Variants in IDH3A observed in about 807,000 individuals in gnomAD.
The protein encoded by IDH3A is isocitrate dehydrogenase [NAD] subunit alpha, mitochondrial.
In IDH3A, 23 loss-of-function variants were observed where a neutral mutation model predicts 43.3. That is an observed-to-expected ratio of 0.53 (90% CI 0.38 to 0.75). The LOEUF (loss-of-function observed/expected upper bound fraction) is 0.75, where lower values mean the gene tolerates loss of function less well. Ranked by LOEUF, IDH3A falls within the 30% of genes least tolerant of loss-of-function variation. The pLI is 0.00. For synonymous variants in IDH3A, 154 were observed against 163.5 expected (o/e 0.94, Z 0.44); for missense variants, 329 against 474.4 (o/e 0.69, Z 2.85).
rs753942750 is a variant in IDH3A, at chr15:78,168,924, C to G, written c.1020C>G (p.Ser340Arg). ...ACFATIKDGK[S>R]LTKDLGGNAK... is the part of the protein sequence containing the mutation. ...TTTTTGCTTTTTCCTTTTCTCAGAGCTTGACAAAAGATTTGGGAGGCAATG... is the reference window on the plus strand; with the variant it reads ...TTTTTGCTTTTTCCTTTTCTCAGAGGTTGACAAAAGATTTGGGAGGCAATG... Residue 340 changes from serine to arginine, a missense_variant and splice_region_variant, in exon 11 of 11, where the codon AGC becomes AGG. Coordinates refer to ENST00000299518, the MANE Select transcript of IDH3A (RefSeq NM_005530.3). 1 of 1,588,002 alleles carries G rather than the reference C, an allele frequency of 6.3e-7. No individual in the cohort carries two copies. Among genetic ancestry groups the G allele is most frequent in the South Asian group, 1.1e-5 (1 of 89,122 alleles).
At chr15:78,154,452 A>C (rs761711755) in intron 1 of IDH3A, 15 of 152,232 alleles carry the variant, frequency 9.9e-5, no homozygotes, top group Non-Finnish European at 1.6e-4. Flanking sequence ...ATAATGTATA[A>C]TTGAAGGAGC....
chr15:78,151,122 T>A (rs1392724461), intron 1 of IDH3A, among the ~76,000 whole-genome samples: 4 of 152,234 alleles, frequency 2.6e-5, no homozygotes, highest in African/African-American at 9.6e-5. Context: ...TTCTCTGACA[T>A]GCACTCCCTG....
intron 1 of IDH3A, among the ~76,000 whole-genome samples, chr15:78,154,079 T>G (rs902349689): frequency 7.2e-5 from 11 of 152,166 alleles, no homozygotes; most frequent in Admixed American, 5.2e-4. Flanking sequence ...TTTATATTGT[T>G]TATAATAATG....
At chr15:78,166,008 C>A in intron 9 of IDH3A, 142 bp from the exon 10 acceptor site, 1 of 754,168 alleles carries the variant, frequency 1.3e-6, no homozygotes, top group Non-Finnish European at 2.2e-6. Flanking sequence ...TTTCTTCAGT[C>A]CATATCAGAT....
In IDH3A at chr15:78,166,437, C is replaced by T. The variant is rs1452267418; in HGVS notation, c.1017+135C>T. 3.3e-5 allele frequency: 29 copies of T among 874,346 alleles called. No homozygotes were observed. In the South Asian group the frequency reaches 3.9e-4, roughly 12 times the overall value. 54.2% of individuals were successfully genotyped at this position (874,346 alleles called of 1,614,324 possible). ...TTTGATGTTGAACAAGGATTCTTAACGTGGGTCCCAGATTGAACAGGGTAT... is the reference window on the plus strand; with the variant it reads ...TTTGATGTTGAACAAGGATTCTTAATGTGGGTCCCAGATTGAACAGGGTAT... On this transcript the variant is annotated intron_variant, in intron 10 of 10. Transcript: ENST00000299518.
intron 2 of IDH3A, 34 bp from the exon 3 acceptor site, chr15:78,157,514 C>G (rs745914993): frequency 6.7e-7 from 1 of 1,483,638 alleles, no homozygotes. Flanking sequence ...AACAAAAATT[C>G]TTACTGTCTT....
chr15:78,158,855 AT>A (rs2074652722), intron 3 of IDH3A, among the ~76,000 whole-genome samples: 1 of 151,836 alleles, frequency 6.6e-6, no homozygotes. Context: ...GTTTTGAGAC[AT>A]TGTTTCGCTC....
rs1032806940 is a variant in IDH3A, at chr15:78,157,462, A to G, written c.91-86A>G. On this transcript the variant is annotated intron_variant, in intron 2 of 10. Transcript: ENST00000299518. ...TGAATCTTCCTGAGACATCTCATAA[A>G]GTGGATTTCTCTGTCAAAATATTCT... 4 of 911,364 alleles carry G rather than the reference A, an allele frequency of 4.4e-6. No individual in the cohort carries two copies. In the African/African-American group the frequency reaches 6.7e-5, roughly 15 times the overall value. The allele number at this position is 911,364 out of a possible 1,614,324, so 56.5% of individuals were successfully genotyped here. A position where few individuals can be genotyped will look rare whatever the true frequency, so the allele number is the denominator to read the frequency against.
At chr15:78,167,383 C>T (rs914350379) in intron 10 of IDH3A, 13 of 152,162 alleles carry the variant, frequency 8.5e-5, no homozygotes, top group African/African-American at 2.4e-4. Flanking sequence ...CAAGCTCCAC[C>T]GCCTCGGTAA....
chr15:78,156,040 A>AT (rs377014785), intron 2 of IDH3A, among the ~76,000 whole-genome samples: 3 of 152,084 alleles, frequency 2.0e-5, no homozygotes, highest in African/African-American at 7.2e-5. Flanking sequence ...AGAAAAGCAG[A>AT]TTTTCTGGTG....
intron 2 of IDH3A, among the ~76,000 whole-genome samples, chr15:78,156,153 T>C (rs2074621286): frequency 6.6e-6 from 1 of 152,190 alleles, no homozygotes; most frequent in Non-Finnish European, 1.5e-5. Context: ...GGCTTGCACT[T>C]CAAGCTCAAG....
chr15:78,154,188 G>GA (rs35197181), intron 1 of IDH3A, among the ~76,000 whole-genome samples: 1,761 of 131,976 alleles, frequency 0.013, 14 homozygotes, highest in Middle Eastern at 0.024. Context: ...ATTGGAGAGA[G>GA]AAAAAAAAAA....
chr15:78,162,096 T>C (rs1158818961), intron 5 of IDH3A, 138 bp from the exon 6 acceptor site: 3 of 821,002 alleles, frequency 3.7e-6, no homozygotes, highest in Non-Finnish European at 6.0e-6. Flanking sequence ...CCCATTGTCG[T>C]AGCAGTGTGT....
At chr15:78,164,331 ATGT>A (rs1429225106) in intron 8 of IDH3A, among the ~76,000 whole-genome samples, 1 of 140,264 alleles carries the variant, frequency 7.1e-6, no homozygotes, top group Non-Finnish European at 1.5e-5. Context: ...CAGACATAAG[ATGT>A]TGGCCAAATG....
At chr15:78,168,136 T>C (rs2074770715) in intron 10 of IDH3A, 1 of 152,034 alleles carries the variant, frequency 6.6e-6, no homozygotes, top group Non-Finnish European at 1.5e-5. Flanking sequence ...GTTTAAGAGT[T>C]AATGATTTAG....
chr15:78,151,759 C>T (rs1388211922), intron 1 of IDH3A, among the ~76,000 whole-genome samples: 4 of 151,736 alleles, frequency 2.6e-5, no homozygotes, highest in Non-Finnish European at 5.9e-5. Flanking sequence ...CCAATAATGC[C>T]TATCTCTACA....
chr15:78,160,225 C>A lies in IDH3A; in HGVS notation c.289+19C>A. 7.0e-7 allele frequency: 1 copy of A among 1,432,860 alleles called. No individual in the cohort carries two copies. The highest frequency in any genetic ancestry group is 9.9e-7 in the Non-Finnish European group (1 of 1,015,052). 88.8% of individuals were successfully genotyped at this position (1,432,860 alleles called of 1,614,324 possible). ...TTGAAAGGTAGCACTGAAGTAGAGA[C>A]GGGGGTTTTTACAGATTTCCGCTAC... On this transcript the variant is annotated intron_variant, in intron 4 of 10. Transcript: ENST00000299518.
intron 10 of IDH3A, among the ~76,000 whole-genome samples, chr15:78,166,881 C>T (rs1474100402): frequency 1.3e-5 from 2 of 150,928 alleles, no homozygotes; most frequent in African/African-American, 4.9e-5. Context: ...ATCCTCCCGC[C>T]CCAGCCTCCC....
chr15:78,165,762 C>T (rs950269967), intron 9 of IDH3A, among the ~76,000 whole-genome samples: 2 of 152,006 alleles, frequency 1.3e-5, no homozygotes, highest in Non-Finnish European at 2.9e-5. Flanking sequence ...GATCATAGCT[C>T]ACTGCAGGCT....
Sources: gnomAD v4.1 joint callset for allele counts (sites outside exome capture counted in the v4.1 genomes callset) on GRCh38, gnomAD v4.1.1 for gene constraint, MANE v1.5 for transcripts, NCBI Gene and HGNC (gene_info 2026-07-23, HGNC 2026-07-21) for gene names.